Variants in HEMK2 observed in about 807,000 individuals in gnomAD.
HEMK2 encodes the protein methyltransferase HEMK2.
At chr21:28,760,249 T>A in the HEMK2 span, among the ~76,000 whole-genome samples, 2 of 152,208 alleles carry the variant, frequency 1.3e-5, no homozygotes, top group Non-Finnish European at 2.9e-5. Flanking sequence ...AATTAGGCTT[T>A]GCAGCATATT....
At chr21:28,643,361 C>T in the HEMK2 span, among the ~76,000 whole-genome samples, 5 of 152,084 alleles carry the variant, frequency 3.3e-5, no homozygotes, top group African/African-American at 9.7e-5. Context: ...AGACTCCTCA[C>T]CCCTCCACAT....
chr21:28,633,018 C>T, the HEMK2 span, among the ~76,000 whole-genome samples: 1 of 152,172 alleles, frequency 6.6e-6, no homozygotes, highest in African/African-American at 2.4e-5. Flanking sequence ...AGCATTACTG[C>T]CACTTGATCG....
chr21:28,788,174 ATATATACACATATATACG>A, the HEMK2 span, among the ~76,000 whole-genome samples: 1 of 149,946 alleles, frequency 6.7e-6, no homozygotes, highest in East Asian at 1.9e-4. Flanking sequence ...ATACTCCATC[ATATATACACATATATACG>A]TATATACGTA....
the HEMK2 span, among the ~76,000 whole-genome samples, chr21:28,850,980 T>C: frequency 3.9e-4 from 36 of 91,988 alleles, no homozygotes; most frequent in East Asian, 0.012. Flanking sequence ...CCCAGATGCA[T>C]ATATACCACT....
At chr21:28,708,632 T>A in the HEMK2 span, among the ~76,000 whole-genome samples, 1 of 152,324 alleles carries the variant, frequency 6.6e-6, no homozygotes, top group African/African-American at 2.4e-5. Flanking sequence ...TTGAAAGATA[T>A]TTGTCCTTAG....
At chr21:28,813,865 G>T in the HEMK2 span, among the ~76,000 whole-genome samples, 1 of 152,116 alleles carries the variant, frequency 6.6e-6, no homozygotes, top group Non-Finnish European at 1.5e-5. Context: ...CAGAAAACTG[G>T]CTAGCCATAT....
chr21:28,648,804 C>CT, the HEMK2 span, among the ~76,000 whole-genome samples: 4 of 152,070 alleles, frequency 2.6e-5, no homozygotes, highest in Non-Finnish European at 5.9e-5. Flanking sequence ...ATTTATTATA[C>CT]TTTAAGTTTT....
chr21:28,757,765 G>GT, the HEMK2 span, among the ~76,000 whole-genome samples: 4 of 152,122 alleles, frequency 2.6e-5, no homozygotes, highest in African/African-American at 9.7e-5. Context: ...AAGCGTAGAC[G>GT]TAAGGCCAAG....
chr21:28,617,240 A>G, the HEMK2 span, among the ~76,000 whole-genome samples: 2 of 152,182 alleles, frequency 1.3e-5, no homozygotes, highest in African/African-American at 4.8e-5. Flanking sequence ...AGGCCCTAAG[A>G]TGGGAAGCAG....
chr21:28,585,490 T>C, the HEMK2 span, among the ~76,000 whole-genome samples: 1 of 152,082 alleles, frequency 6.6e-6, no homozygotes, highest in East Asian at 1.9e-4. Flanking sequence ...TATGTTAACA[T>C]GTGTAAGGAA....
the HEMK2 span, among the ~76,000 whole-genome samples, chr21:28,587,914 T>C: frequency 2.0e-5 from 3 of 152,240 alleles, no homozygotes; most frequent in Non-Finnish European, 4.4e-5. Context: ...CATGCAGATA[T>C]ATGCAGAGAG....
chr21:28,883,186 G>A, the HEMK2 span: 1 of 535,150 alleles, frequency 1.9e-6, no homozygotes, highest in Non-Finnish European at 3.1e-6. Flanking sequence ...TCACTCACCT[G>A]CAAATATATG....
the HEMK2 span, among the ~76,000 whole-genome samples, chr21:28,878,572 T>C: frequency 1.3e-5 from 2 of 151,726 alleles, no homozygotes; most frequent in Admixed American, 1.3e-4. Flanking sequence ...AAAAGAATAG[T>C]TCCATATGTA....
chr21:28,842,961 T>C, the HEMK2 span, among the ~76,000 whole-genome samples: 5 of 152,140 alleles, frequency 3.3e-5, no homozygotes, highest in African/African-American at 4.8e-5. Context: ...TTACTGGAGA[T>C]GGAAGAATGG....
chr21:28,771,093 A>G, the HEMK2 span, among the ~76,000 whole-genome samples: 1 of 152,172 alleles, frequency 6.6e-6, no homozygotes, highest in African/African-American at 2.4e-5. Flanking sequence ...GAAACATTAC[A>G]TCAATTAATC....
At chr21:28,682,782 C>T in the HEMK2 span, among the ~76,000 whole-genome samples, 6 of 152,040 alleles carry the variant, frequency 3.9e-5, no homozygotes, top group East Asian at 1.2e-3. Flanking sequence ...AACCATCATT[C>T]TCAGCAAACT....
At chr21:28,732,485 T>C in the HEMK2 span, among the ~76,000 whole-genome samples, 3 of 152,308 alleles carry the variant, frequency 2.0e-5, no homozygotes, top group South Asian at 6.2e-4. Flanking sequence ...GGACTGCATA[T>C]GTGAAGGGGA....
the HEMK2 span, among the ~76,000 whole-genome samples, chr21:28,616,901 A>G: frequency 9.8e-4 from 149 of 152,304 alleles, no homozygotes; most frequent in African/African-American, 3.5e-3. Flanking sequence ...TACTTCACCA[A>G]TATTAAATAA....
At chr21:28,590,295 A>G in the HEMK2 span, among the ~76,000 whole-genome samples, 1 of 152,222 alleles carries the variant, frequency 6.6e-6, no homozygotes, top group African/African-American at 2.4e-5. Context: ...CACCAGTGTA[A>G]GCGTGAAACA....
Sources: gnomAD v4.1 joint callset for allele counts (sites outside exome capture counted in the v4.1 genomes callset) on GRCh38, gnomAD v4.1.1 for gene constraint, MANE v1.5 for transcripts, NCBI Gene and HGNC (gene_info 2026-07-23, HGNC 2026-07-21) for gene names.